LRP6: variants seen among roughly 807,000 people sequenced by gnomAD.
LRP6 encodes LDL receptor related protein 6, also known as low-density lipoprotein receptor-related protein 6.
Under a neutral mutation model 184.1 loss-of-function variants are expected in LRP6, and 43 were observed. That is an observed-to-expected ratio of 0.23 (90% CI 0.18 to 0.30). The LOEUF is 0.30. Ranked by LOEUF, LRP6 falls within the 10% of genes least tolerant of loss-of-function variation. LRP6 has a pLI of 1.00. For missense variants in LRP6, 1,571 were observed against 2,005.3 expected (o/e 0.78, Z 4.14); for synonymous variants, 719 against 684.9 (o/e 1.05, Z -0.78).
chr12:12,181,071 G>A lies in LRP6; in HGVS notation c.1345C>T (p.Arg449Trp), dbSNP rs1226522783. 1.9e-6 allele frequency: 3 copies of A among 1,614,026 alleles called. No individual in the cohort carries two copies. The highest frequency in any genetic ancestry group is 1.7e-6 in the Non-Finnish European group (2 of 1,179,954). ...ACCATGGGATCTAACACAATAGCCC[G>A]GGGTTCCTCTAAGTCCTCTGAAATC... ...ILISEDLEEP[R>W]AIVLDPMVGY... Residue 449 changes from arginine to tryptophan, a missense_variant, in exon 6 of 23, where the codon CGG becomes TGG. Arg to Trp is a moderately radical substitution (Grantham distance 101, BLOSUM62 -3). Around this residue, in one of 4 missense-constraint regions of LRP6, gnomAD observed 640 missense variants for 851.9 expected, o/e 0.75. Coordinates refer to ENST00000261349, the MANE Select transcript of LRP6 (RefSeq NM_002336.3).
At chr12:12,180,044 A>C (rs1863304239) in intron 6 of LRP6, 63 bp from the exon 7 acceptor site, 2 of 1,381,248 alleles carry the variant, frequency 1.4e-6, no homozygotes. Flanking sequence ...CAGATATTCT[A>C]AAGGTGAGAT....
At chr12:12,217,727 A>G (rs1433711592) in intron 2 of LRP6, among the ~76,000 whole-genome samples, 1 of 152,064 alleles carries the variant, frequency 6.6e-6, no homozygotes, top group Non-Finnish European at 1.5e-5. Context: ...CCAAAAATAA[A>G]CCCTTATATT....
chr12:12,245,530 T>C (rs930494996), intron 1 of LRP6, among the ~76,000 whole-genome samples: 4 of 152,160 alleles, frequency 2.6e-5, no homozygotes, highest in Non-Finnish European at 1.5e-5. Flanking sequence ...TGTAAACATG[T>C]CAAAACTTAT....
chr12:12,197,267 T>C (rs1287330572), intron 3 of LRP6, among the ~76,000 whole-genome samples: 2 of 152,250 alleles, frequency 1.3e-5, no homozygotes, highest in African/African-American at 4.8e-5. Flanking sequence ...TTACTAACTG[T>C]TATGACAATG....
chr12:12,164,191 TG>T (rs1276175346), intron 9 of LRP6, 81 bp downstream of exon 9: 1 of 1,233,628 alleles, frequency 8.1e-7, no homozygotes, highest in South Asian at 1.3e-5. Context: ...ATGAGGGAGG[TG>T]GGTCACAGCA....
intron 3 of LRP6, among the ~76,000 whole-genome samples, chr12:12,198,776 C>T (rs1011391551): frequency 2.6e-5 from 4 of 151,910 alleles, no homozygotes; most frequent in Admixed American, 2.0e-4. Context: ...TCAGGTGACC[C>T]GCCTGCCTTG....
At chr12:12,250,412 C>G (rs954194470) in intron 1 of LRP6, among the ~76,000 whole-genome samples, 1 of 152,178 alleles carries the variant, frequency 6.6e-6, no homozygotes, top group South Asian at 2.1e-4. Flanking sequence ...CTTACCTACT[C>G]TGTAACCCTT....
chr12:12,119,329 G>A lies in LRP6; in HGVS notation c.*1797C>T, dbSNP rs1027540397. ...CTCTTGGGCCCTGAAACCCAGAGAGGCCTTGGCAAGACAGAATTAAAAAAG... is the reference window on the plus strand; with the variant it reads ...CTCTTGGGCCCTGAAACCCAGAGAGACCTTGGCAAGACAGAATTAAAAAAG... On this transcript the variant is annotated 3_prime_UTR_variant, in exon 23 of 23. Coordinates refer to ENST00000261349, the MANE Select transcript of LRP6 (RefSeq NM_002336.3). 2 of 151,716 alleles carry A rather than the reference G, an allele frequency of 1.3e-5. No homozygotes were observed. The highest frequency in any genetic ancestry group is 1.3e-4 in the Admixed American group (2 of 15,240). 9.4% of individuals were successfully genotyped at this position (151,716 alleles called of 1,614,324 possible). A position where few individuals can be genotyped will look rare whatever the true frequency, so the allele number is the denominator to read the frequency against.
intron 3 of LRP6, among the ~76,000 whole-genome samples, chr12:12,189,977 T>A (rs913540675): frequency 6.6e-6 from 1 of 152,228 alleles, no homozygotes; most frequent in South Asian, 2.1e-4. Flanking sequence ...AAACTCTAGC[T>A]TATTTATATA....
At chr12:12,245,732 A>G (rs1245604064) in intron 1 of LRP6, among the ~76,000 whole-genome samples, 1 of 152,180 alleles carries the variant, frequency 6.6e-6, no homozygotes, top group Non-Finnish European at 1.5e-5. Context: ...TAACTTTGAG[A>G]AAGTTGAAGC....
chr12:12,239,067 T>G (rs548151823), intron 2 of LRP6, among the ~76,000 whole-genome samples: 1 of 152,318 alleles, frequency 6.6e-6, no homozygotes, highest in African/African-American at 2.4e-5. Context: ...CCTTGGTTTC[T>G]TCACCCAAAG....
intron 2 of LRP6, among the ~76,000 whole-genome samples, chr12:12,205,325 C>CAAAAAAAAAAAAAAAAA (rs1334062234): frequency 3.0e-4 from 8 of 26,244 alleles, no homozygotes; most frequent in African/African-American, 5.7e-4. Flanking sequence ...CTGTCTCAAA[C>CAAAAAAAAAAAAAAAAA]AAACAAAAAA....
intron 9 of LRP6, 78 bp downstream of exon 9, chr12:12,164,195 T>C (rs1862812690): frequency 6.1e-6 from 8 of 1,316,136 alleles, no homozygotes; most frequent in South Asian, 2.4e-5. Context: ...GGGAGGTGGG[T>C]CACAGCATGA....
intron 2 of LRP6, among the ~76,000 whole-genome samples, chr12:12,217,525 C>T (rs972758716): frequency 2.0e-5 from 3 of 152,146 alleles, no homozygotes; most frequent in Admixed American, 6.5e-5. Flanking sequence ...CGTGGAAAAA[C>T]TGTCTTCCAC....
In LRP6 at chr12:12,179,987, G is replaced by C. The variant is rs115647449; in HGVS notation, c.1374-6C>G. ...AGTCAGTCCAATACATGTACCTAGA[G>C]AAGTATACAAAAAATGAGCTAAAAA... On this transcript the variant is annotated splice_region_variant and splice_polypyrimidine_tract_variant and intron_variant, in intron 6 of 22. Coordinates refer to ENST00000261349, the MANE Select transcript of LRP6 (RefSeq NM_002336.3). 886 of 1,611,086 alleles carry C rather than the reference G, an allele frequency of 5.5e-4. 6 individuals are homozygous for C. The African/African-American group carries it at 0.011, about 19-fold the overall frequency.
At chr12:12,241,556 T>C (rs2135912538) in intron 2 of LRP6, among the ~76,000 whole-genome samples, 1 of 152,276 alleles carries the variant, frequency 6.6e-6, no homozygotes, top group Non-Finnish European at 1.5e-5. Flanking sequence ...GTTTTTAAAA[T>C]AACCATGACA....
intron 2 of LRP6, among the ~76,000 whole-genome samples, chr12:12,227,803 T>G (rs1431119085): frequency 6.6e-6 from 1 of 152,164 alleles, no homozygotes; most frequent in Admixed American, 6.5e-5. Flanking sequence ...ATAAGTGAAA[T>G]GAATGATGGC....
At chr12:12,196,340 T>C (rs1017631793) in intron 3 of LRP6, among the ~76,000 whole-genome samples, 1 of 152,164 alleles carries the variant, frequency 6.6e-6, no homozygotes, top group African/African-American at 2.4e-5. Flanking sequence ...GAAATGTTTT[T>C]CCATTTGTAT....
intron 15 of LRP6, among the ~76,000 whole-genome samples, chr12:12,146,373 A>G (rs986850077): frequency 1.3e-5 from 2 of 152,216 alleles, no homozygotes; most frequent in Admixed American, 1.3e-4. Context: ...GCAATAATCA[A>G]CGTTAACATA....
Sources: allele counts gnomAD v4.1 joint callset (sites outside exome capture counted in the v4.1 genomes callset), GRCh38; gene constraint gnomAD v4.1.1; regional missense constraint gnomAD v4.1.1; transcripts MANE v1.5; gene names NCBI Gene and HGNC (gene_info 2026-07-23, HGNC 2026-07-21).